DNAH11: variants seen among roughly 807,000 people sequenced by gnomAD.
DNAH11 encodes dynein axonemal heavy chain 11, also known as axonemal beta dynein heavy chain 11.
DNAH11 carries 442 observed loss-of-function variants against 526.0 expected under a neutral mutation model. The ratio of observed to expected loss-of-function variants is 0.84; its 90% CI spans 0.78 to 0.91. The LOEUF is 0.91. Ranked by LOEUF, DNAH11 falls within the 40% of genes least tolerant of loss-of-function variation. The pLI, the probability that DNAH11 is intolerant of heterozygous loss-of-function variation, is 0.00. For synonymous variants in DNAH11, 2,461 were observed against 1,935.9 expected (o/e 1.27, Z -7.12); for missense variants, 6,989 against 5,448.7 (o/e 1.28, Z -8.90).
chr7:21,546,062 T>C (rs1328183513), intron 2 of DNAH11, among the ~76,000 whole-genome samples: 1 of 152,210 alleles, frequency 6.6e-6, no homozygotes, highest in Non-Finnish European at 1.5e-5. Context: ...GATATCTGTC[T>C]ACAAGGCCAA....
intron 30 of DNAH11, among the ~76,000 whole-genome samples, chr7:21,674,205 G>A (rs528250601): frequency 3.7e-4 from 56 of 152,008 alleles, no homozygotes; most frequent in African/African-American, 1.3e-3. Context: ...AGTTATAGGC[G>A]TGATCATGCC....
At chr7:21,674,760 A>T (rs1782800761) in intron 30 of DNAH11, among the ~76,000 whole-genome samples, 1 of 152,212 alleles carries the variant, frequency 6.6e-6, no homozygotes, top group South Asian at 2.1e-4. Context: ...AGAAGCAGAT[A>T]GGGAATTTTC....
Position 21,600,772 on chromosome 7 carries a change from A to G in DNAH11, c.3097A>G (p.Thr1033Ala), listed in dbSNP as rs1298861003. 1 of 1,613,678 alleles carries G rather than the reference A, an allele frequency of 6.2e-7. No homozygotes were observed. The highest frequency in any genetic ancestry group is 8.5e-7 in the Non-Finnish European group (1 of 1,179,836). The change falls in exon 16 of 82, where the codon ACC (threonine) becomes GCC (alanine). Residue 1033 changes from threonine to alanine, a missense_variant. By Grantham distance (58) the Thr-to-Ala change is moderately conservative. Transcript: ENST00000409508. ...VINKVLDFRN[T>A]LETHTYLWVD... ...CAACAAAGTCTTAGATTTCAGAAACACCCTGGAGACCCACACTTACCTCTG... is the reference window on the plus strand; with the variant it reads ...CAACAAAGTCTTAGATTTCAGAAACGCCCTGGAGACCCACACTTACCTCTG...
chr7:21,812,319 C>G (rs1471925713), intron 63 of DNAH11, among the ~76,000 whole-genome samples: 1 of 152,026 alleles, frequency 6.6e-6, no homozygotes. Flanking sequence ...GGTTGACTTG[C>G]AGGGAAGAAA....
At chr7:21,821,450 C>T (rs1050712437) in intron 65 of DNAH11, among the ~76,000 whole-genome samples, 3 of 152,170 alleles carry the variant, frequency 2.0e-5, no homozygotes, top group African/African-American at 7.2e-5. Context: ...CTTGCCTCTG[C>T]TCTTTTCCCA....
intron 73 of DNAH11, 125 bp from the exon 74 acceptor site, chr7:21,873,149 A>G (rs568149225): frequency 2.4e-5 from 21 of 882,448 alleles, no homozygotes; most frequent in Middle Eastern, 3.2e-4. Context: ...TGATGTATTG[A>G]TAAAGGAAAA....
intron 66 of DNAH11, among the ~76,000 whole-genome samples, chr7:21,848,256 T>A (rs969959391): frequency 2.0e-5 from 3 of 152,034 alleles, no homozygotes; most frequent in African/African-American, 7.3e-5. Flanking sequence ...TAATTTTTCT[T>A]ATTCTGATAA....
chr7:21,821,242 T>C (rs1172041753), intron 65 of DNAH11, among the ~76,000 whole-genome samples: 2 of 150,830 alleles, frequency 1.3e-5, no homozygotes, highest in Non-Finnish European at 3.0e-5. Context: ...ATGCAAAGGT[T>C]GAGGTACTTC....
chr7:21,808,034 C>A lies in DNAH11; in HGVS notation c.10317C>A (p.Pro3439=). The A allele has an allele frequency of 6.5e-7, 1 of 1,541,146 alleles. No homozygotes were observed. The highest frequency in any genetic ancestry group is 8.8e-7 in the Non-Finnish European group (1 of 1,132,096). ...RQELVHCKWV[P]FLQQKVSIPL... The stretch of plus-strand genomic sequence containing the variant: ...AGCTGGTGCACTGCAAGTGGGTTCC[C>A]TTTCTTCAACAGAAGGTAAGTTCAG... Residue 3439 remains proline (P), a synonymous_variant, in exon 63 of 82, where the codon CCC becomes CCA. Transcript: ENST00000409508.
intron 74 of DNAH11, among the ~76,000 whole-genome samples, chr7:21,877,691 A>C (rs777944299): frequency 6.6e-6 from 1 of 151,870 alleles, no homozygotes; most frequent in Non-Finnish European, 1.5e-5. Context: ...CTGGCTAAAA[A>C]GGTGAAACCC....
intron 68 of DNAH11, among the ~76,000 whole-genome samples, chr7:21,857,781 T>C (rs1427693862): frequency 6.6e-6 from 1 of 152,068 alleles, no homozygotes; most frequent in Non-Finnish European, 1.5e-5. Context: ...CCACATGACA[T>C]AAAATAAACC....
chr7:21,722,656 C>T (rs1784924503), intron 44 of DNAH11, among the ~76,000 whole-genome samples: 1 of 151,876 alleles, frequency 6.6e-6, no homozygotes, highest in African/African-American at 2.4e-5. Flanking sequence ...CTGTAATTTC[C>T]AAGTGCTTTC....
At chr7:21,801,348 C>A in intron 62 of DNAH11, 73 bp downstream of exon 62, 1 of 1,552,990 alleles carries the variant, frequency 6.4e-7, no homozygotes, top group Non-Finnish European at 8.8e-7. Flanking sequence ...TATTTGCCAT[C>A]AATAATAACT....
chr7:21,775,709 C>T (rs1787642856), intron 56 of DNAH11, among the ~76,000 whole-genome samples: 1 of 152,014 alleles, frequency 6.6e-6, no homozygotes, highest in South Asian at 2.1e-4. Flanking sequence ...CAGTTTTCTT[C>T]TATCTGTCTA....
intron 2 of DNAH11, among the ~76,000 whole-genome samples, chr7:21,548,908 T>C (rs891531485): frequency 6.7e-6 from 1 of 149,680 alleles, no homozygotes; most frequent in Non-Finnish European, 1.5e-5. Flanking sequence ...TGAGACGGAG[T>C]TTTGCTCTTA....
intron 13 of DNAH11, 26 bp from the exon 14 acceptor site, chr7:21,591,159 T>C (rs781097273): frequency 3.3e-6 from 5 of 1,521,266 alleles, no homozygotes; most frequent in South Asian, 2.9e-5. Context: ...TTTGGCACTT[T>C]TTGTTTTGGG....
chr7:21,561,064 A>C lies in DNAH11; in HGVS notation c.883-7A>C. The C allele has an allele frequency of 6.3e-7, 1 of 1,574,928 alleles. No individual in the cohort carries two copies. Among genetic ancestry groups the C allele is most frequent in the Non-Finnish European group, 8.6e-7 (1 of 1,158,624 alleles). On this transcript the variant is annotated splice_polypyrimidine_tract_variant and splice_region_variant and intron_variant, in intron 4 of 81. Coordinates refer to ENST00000409508, the MANE Select transcript of DNAH11 (RefSeq NM_001277115.2). ...ATTAAAGTTCTTCTTTTTTTCCTTT[A>C]ACTTAGCTTCAGGCACCTGTTGTCC...
chr7:21,727,176 G>A (rs184448114), intron 45 of DNAH11, among the ~76,000 whole-genome samples: 139 of 151,762 alleles, frequency 9.2e-4, no homozygotes, highest in Non-Finnish European at 1.1e-3. Flanking sequence ...CTCGTGATCC[G>A]CCCACCTCGG....
chr7:21,624,857 G>T (rs749503954), intron 25 of DNAH11, among the ~76,000 whole-genome samples: 1 of 151,928 alleles, frequency 6.6e-6, no homozygotes, highest in African/African-American at 2.4e-5. Context: ...TTATTGATTT[G>T]CATATTCTTG....
Sources: gnomAD v4.1 joint callset for allele counts (sites outside exome capture counted in the v4.1 genomes callset) on GRCh38, gnomAD v4.1.1 for gene constraint, MANE v1.5 for transcripts, NCBI Gene and HGNC (gene_info 2026-07-23, HGNC 2026-07-21) for gene names.